BDH1: variants seen among roughly 807,000 people sequenced by gnomAD.
BDH1 encodes 3-hydroxybutyrate dehydrogenase 1.
BDH1 carries 30 observed loss-of-function variants against 33.1 expected under a neutral mutation model. That is an observed-to-expected ratio of 0.91 (90% confidence interval 0.68 to 1.23). The LOEUF (loss-of-function observed/expected upper bound fraction) is 1.23, where lower values mean the gene tolerates loss of function less well. Ranked by LOEUF, BDH1 falls within the 50% of genes most tolerant of loss-of-function variation. BDH1 has a pLI of 0.00. For missense variants in BDH1, 443 were observed against 464.4 expected (o/e 0.95, Z 0.42); for synonymous variants, 190 against 183.6 (o/e 1.03, Z -0.28).
chr3:197,540,998 G>A (rs1715575133), intron 3 of BDH1, among the ~76,000 whole-genome samples: 1 of 152,196 alleles, frequency 6.6e-6, no homozygotes, highest in Non-Finnish European at 1.5e-5. Flanking sequence ...GAGCACTGCT[G>A]GACTTCTCGG....
intron 6 of BDH1, chr3:197,515,407 C>A (rs1712592164): frequency 4.1e-6 from 4 of 985,660 alleles, no homozygotes; most frequent in Non-Finnish European, 4.8e-6. Flanking sequence ...TCCACGACCC[C>A]ACAGCTCCCA....
rs1560295932 is a variant in BDH1, at chr3:197,510,598, GGGTGTGTGTGTGTGTGTGT to G, written c.*1278_*1296del. ...GCCACGCTGAAGCCCTGCAGAACAG[GGGTGTGTGTGTGTGTGTGT>G]GTGTGTGTGTGTGTGTGTGTGTGTG... On this transcript the variant is annotated 3_prime_UTR_variant, in exon 8 of 8. Coordinates refer to ENST00000392379, the MANE Select transcript of BDH1 (RefSeq NM_203314.3). 4.1e-5 allele frequency: 5 copies of G among 123,418 alleles called. No homozygotes were observed. The allele number at this position is 123,418 out of a possible 1,614,324, so 7.6% of individuals were successfully genotyped here.
In BDH1 at chr3:197,554,862, A is replaced by G. The variant is rs942110045; in HGVS notation, c.-195-149T>C. On this transcript the variant is annotated intron_variant, in intron 1 of 7. Transcript: ENST00000392379. The surrounding 1 kb of genome is among the most constrained non-coding windows in gnomAD (Gnocchi z 4.4). ...GGGACCGACCGGAGCGCTCAAACCC[A>G]CAGGGTATCTATCAGGCGCGCGTCA... 6.6e-6 allele frequency: 1 copy of G among 152,230 alleles called. No homozygotes were observed. Among genetic ancestry groups the G allele is most frequent in the Non-Finnish European group, 1.5e-5 (1 of 68,054 alleles). The allele number at this position is 152,230 out of a possible 1,614,324, so 9.4% of individuals were successfully genotyped here. A position where few individuals can be genotyped will look rare whatever the true frequency, so the allele number is the denominator to read the frequency against.
chr3:197,553,093 T>C lies in BDH1; in HGVS notation c.-44+1469A>G, dbSNP rs144875544. ...CCGCCATGCCTGGCTAATTTTTGTA[T>C]TTTTAGTAGAGACGGAGTTTCACCA... On this transcript the variant is annotated intron_variant, in intron 2 of 7. Transcript: ENST00000392379. 4.3e-3 allele frequency among the ~76,000 whole-genome samples: 657 copies of C among 152,198 alleles called. 5 individuals are homozygous for C. The highest frequency in any genetic ancestry group is 0.014 in the African/African-American group (602 of 41,538).
chr3:197,523,466 A>C lies in BDH1; in HGVS notation c.268-685T>G, dbSNP rs943132649. Among the ~76,000 whole-genome samples the C allele has an allele frequency of 6.6e-6, 1 of 152,116 alleles. No individual in the cohort carries two copies. The highest frequency in any genetic ancestry group is 6.5e-5 in the Admixed American group (1 of 15,278). On this transcript the variant is annotated intron_variant, in intron 5 of 7. Transcript: ENST00000392379. The surrounding 1 kb of genome is among the most constrained non-coding windows in gnomAD (Gnocchi z 4.5). ...AACAGGAACATCACCACCTGTCCTG[A>C]CCTGCTCAGATTAATGGAGTAAGGA...
At chr3:197,515,028 C>T (rs901721525) in intron 6 of BDH1, among the ~76,000 whole-genome samples, 19 of 152,228 alleles carry the variant, frequency 1.2e-4, no homozygotes, top group African/African-American at 2.7e-4. Context: ...CCGATAGCCC[C>T]GTGCTCCTTC....
At chr3:197,515,353 T>C (rs893086701) in intron 6 of BDH1, 5 of 985,554 alleles carry the variant, frequency 5.1e-6, no homozygotes, top group Non-Finnish European at 6.0e-6. Flanking sequence ...GCTCTAGGTC[T>C]CACCTGTGAC....
intron 5 of BDH1, 125 bp downstream of exon 5, chr3:197,532,287 G>T: frequency 1.4e-6 from 1 of 714,040 alleles, no homozygotes; most frequent in Non-Finnish European, 2.4e-6. Context: ...GACTGAAGCC[G>T]ATGGAAAATG....
rs957002204 is a variant in BDH1 at position 197,528,819 on chromosome 3, G to C, written c.267+3593C>G. ...AAACTGAGGCCCAGGGAGGGGACATGTTTGTCCCCTTCCGGGGTTAGTGGT... is the reference window on the plus strand; with the variant it reads ...AAACTGAGGCCCAGGGAGGGGACATCTTTGTCCCCTTCCGGGGTTAGTGGT... On this transcript the variant is annotated intron_variant, in intron 5 of 7. Coordinates refer to ENST00000392379, the MANE Select transcript of BDH1 (RefSeq NM_203314.3). This position sits in a 1 kb window ranked among gnomAD's most constrained non-coding sequence, Gnocchi z 5.1. The C allele has an allele frequency of 1.3e-5, 2 of 152,298 alleles. No individual in the cohort carries two copies. The highest frequency in any genetic ancestry group is 4.8e-5 in the African/African-American group (2 of 41,456). 9.4% of individuals were successfully genotyped at this position (152,298 alleles called of 1,614,324 possible).
At position 197,542,521 on chromosome 3, in the gene BDH1, C is replaced by CTTT. The variant is rs71164295; in HGVS notation, c.83+3837_83+3839dup. On this transcript the variant is annotated intron_variant, in intron 3 of 7. Transcript: ENST00000392379. ...GTCAACACGCTTTCTTTCTTGCTTG[C>CTTT]TTTTTTTTTTTTTTTTTTTGAGACG... Among the ~76,000 whole-genome samples the CTTT allele has an allele frequency of 5.3e-4, 56 of 106,416 alleles. 2 individuals are homozygous for CTTT. The highest frequency in any genetic ancestry group is 1.5e-3 in the African/African-American group (35 of 23,444). 69.8% of individuals were successfully genotyped at this position (106,416 alleles called of 152,430 possible).
At chr3:197,555,024 C>T (rs1019158303) in intron 1 of BDH1, among the ~76,000 whole-genome samples, 1 of 152,234 alleles carries the variant, frequency 6.6e-6, no homozygotes, top group Non-Finnish European at 1.5e-5. Context: ...TGAGACAGCA[C>T]CGCCCAGCCA....
chr3:197,566,382 G>T (rs1717433915), intron 1 of BDH1, among the ~76,000 whole-genome samples: 1 of 152,176 alleles, frequency 6.6e-6, no homozygotes, highest in Non-Finnish European at 1.5e-5. Context: ...CATAAGTAAA[G>T]AATGTCACTT....
chr3:197,550,184 C>T (rs1040850005), intron 2 of BDH1, among the ~76,000 whole-genome samples: 2 of 152,156 alleles, frequency 1.3e-5, no homozygotes, highest in African/African-American at 4.8e-5. Flanking sequence ...TACACAGGAA[C>T]ATCAAGTGAT....
intron 3 of BDH1, among the ~76,000 whole-genome samples, chr3:197,537,625 C>G (rs555904681): frequency 4.6e-5 from 7 of 152,230 alleles, no homozygotes; most frequent in African/African-American, 1.4e-4. Context: ...TCAGTCTCAC[C>G]CTTAAGTATG....
chr3:197,565,697 T>G (rs1219293089), intron 1 of BDH1, among the ~76,000 whole-genome samples: 2 of 152,248 alleles, frequency 1.3e-5, no homozygotes, highest in Non-Finnish European at 2.9e-5. Context: ...TAAGTTTCTT[T>G]GTCAGTTGTG....
intron 2 of BDH1, among the ~76,000 whole-genome samples, chr3:197,547,596 G>A (rs989899994): frequency 1.3e-5 from 2 of 152,240 alleles, no homozygotes; most frequent in Non-Finnish European, 2.9e-5. Context: ...ACTCTCGCTT[G>A]TACTCCTGCC....
chr3:197,532,319 G>T (rs1714738407), intron 5 of BDH1, 93 bp downstream of exon 5: 2 of 1,050,172 alleles, frequency 1.9e-6, no homozygotes, highest in African/African-American at 1.6e-5. Context: ...TTAAGCAAAG[G>T]TGAGCCAGTT....
rs746246893 is a variant in BDH1, at chr3:197,546,410, G to T, written c.34C>A (p.Arg12=). ...GCACTTAGGGTTTTTCCTGGGAGCC[G>T]TGACAGGGGTCTGGAGAGGCGGGTG... ...LATRLSRPLS[R]LPGKTLSACD... is the part of the protein sequence containing the mutation. Residue 12 remains arginine (R), a synonymous_variant, in exon 3 of 8, where the codon CGG becomes AGG. Coordinates refer to ENST00000392379, the MANE Select transcript of BDH1 (RefSeq NM_203314.3). The T allele has an allele frequency of 1.3e-5, 21 of 1,613,988 alleles. No individual in the cohort carries two copies. The South Asian group carries it at 2.3e-4, about 18-fold the overall frequency.
intron 2 of BDH1, among the ~76,000 whole-genome samples, chr3:197,550,154 A>C (rs1579990602): frequency 6.6e-6 from 1 of 152,184 alleles, no homozygotes; most frequent in East Asian, 1.9e-4. Context: ...AACCATTCTC[A>C]AACAAAAGTC....
Sources: gnomAD v4.1 joint callset for allele counts (sites outside exome capture counted in the v4.1 genomes callset) on GRCh38, gnomAD v4.1.1 for gene constraint, Gnocchi (gnomAD v3.1) non-coding constraint, MANE v1.5 for transcripts, NCBI Gene and HGNC (gene_info 2026-07-23, HGNC 2026-07-21) for gene names.